RFX6: variants seen among roughly 807,000 people sequenced by gnomAD.
RFX6 encodes the protein DNA-binding protein RFX6.
Under a neutral mutation model 110.8 loss-of-function variants are expected in RFX6, and 50 were observed. That is an observed-to-expected ratio of 0.45 (90% confidence interval 0.36 to 0.57). The LOEUF (loss-of-function observed/expected upper bound fraction) is 0.57, where lower values mean the gene tolerates loss of function less well. Among genes scored for constraint, RFX6 ranks in the 20% least tolerant of loss-of-function variants. RFX6 has a pLI of 0.00. For missense variants in RFX6, 990 were observed against 1,127.0 expected (o/e 0.88, Z 1.74); for synonymous variants, 383 against 411.2 (o/e 0.93, Z 0.83).
At position 116,910,955 on chromosome 6, in the gene RFX6, T is replaced by C; in HGVS notation, c.693T>C (p.Tyr231=). 1.2e-6 allele frequency: 2 copies of C among 1,613,504 alleles called. No homozygotes were observed. Among genetic ancestry groups the C allele is most frequent in the Non-Finnish European group, 1.7e-6 (2 of 1,179,502 alleles). ...TATAGGGTGGCTTCACTCGTAAATA[T>C]TCGCTTAGCTCAAAAACTGGAACAC... The part of the protein sequence containing the change: ...LKNEGGFTRK[Y]SLSSKTGTLL... The change falls in exon 7 of 19, where the codon TAT becomes TAC. Residue 231 remains tyrosine, a synonymous_variant. Transcript: ENST00000332958.
At chr6:116,913,622 G>A (rs957711246) in intron 7 of RFX6, among the ~76,000 whole-genome samples, 19 of 152,124 alleles carry the variant, frequency 1.2e-4, no homozygotes, top group Admixed American at 2.0e-4. Flanking sequence ...AATTCATTGC[G>A]CTAAGACTAT....
At position 116,923,160 on chromosome 6, in the gene RFX6, A is replaced by G; in HGVS notation, c.1491A>G (p.Leu497=). ...SLKKRAQDFL[L]KWSFFGARVM... Reference sequence around the variant, plus strand: ...AGAAGAGAGCTCAAGACTTTCTGTTAAAGTGGAGTTTTTTTGGTGCTCGAG... The same window carrying G: ...AGAAGAGAGCTCAAGACTTTCTGTTGAAGTGGAGTTTTTTTGGTGCTCGAG... The change falls in exon 14 of 19, where the codon TTA becomes TTG. Residue 497 remains leucine, a synonymous_variant. Transcript: ENST00000332958. The G allele has an allele frequency of 7.4e-6, 12 of 1,610,908 alleles. No individual in the cohort carries two copies. The highest frequency in any genetic ancestry group is 9.3e-6 in the Non-Finnish European group (11 of 1,177,152).
chr6:116,903,327 A>G (rs966280576), intron 6 of RFX6, among the ~76,000 whole-genome samples: 2 of 152,142 alleles, frequency 1.3e-5, no homozygotes, highest in Middle Eastern at 3.4e-3. Flanking sequence ...ATTATTATTT[A>G]CCAATATGAG....
chr6:116,920,284 G>C, intron 11 of RFX6, 26 bp from the exon 12 acceptor site: 2 of 1,585,650 alleles, frequency 1.3e-6, no homozygotes, highest in Non-Finnish European at 8.7e-7. Context: ...ATATAGTGTA[G>C]TGTCTTCTTT....
At chr6:116,896,637 C>T (rs1198266154) in intron 6 of RFX6, among the ~76,000 whole-genome samples, 1 of 151,968 alleles carries the variant, frequency 6.6e-6, no homozygotes, top group South Asian at 2.1e-4. Context: ...GCCCTAGAGG[C>T]TCGGAGGTTG....
At chr6:116,915,963 G>A in intron 7 of RFX6, 45 bp from the exon 8 acceptor site, 1 of 1,236,348 alleles carries the variant, frequency 8.1e-7, no homozygotes, top group South Asian at 1.2e-5. Context: ...AGAAAAGGCA[G>A]TGTTAAAAGG....
intron 6 of RFX6, among the ~76,000 whole-genome samples, chr6:116,909,338 A>G (rs1366856836): frequency 1.3e-5 from 2 of 152,112 alleles, no homozygotes; most frequent in Non-Finnish European, 2.9e-5. Flanking sequence ...AGATTTAGGT[A>G]AATTTTTGTT....
intron 6 of RFX6, among the ~76,000 whole-genome samples, chr6:116,904,061 T>C (rs1775141452): frequency 6.6e-6 from 1 of 152,072 alleles, no homozygotes. Flanking sequence ...ATGCTTGGTA[T>C]TAAATGACAT....
chr6:116,900,563 A>G (rs893702658), intron 6 of RFX6, among the ~76,000 whole-genome samples: 2 of 151,970 alleles, frequency 1.3e-5, no homozygotes, highest in East Asian at 1.9e-4. Context: ...CCTTGAATCT[A>G]TTTTTATTTC....
At chr6:116,887,389 C>G (rs994104619) in intron 4 of RFX6, among the ~76,000 whole-genome samples, 10 of 152,152 alleles carry the variant, frequency 6.6e-5, no homozygotes, top group African/African-American at 9.7e-5. Context: ...TTCACGCTTA[C>G]CATCCCCTGC....
chr6:116,921,002 T>C (rs1189173612), intron 12 of RFX6, among the ~76,000 whole-genome samples: 1 of 152,176 alleles, frequency 6.6e-6, no homozygotes, highest in Non-Finnish European at 1.5e-5. Context: ...GCAGACTCTC[T>C]ACTCAGGTTT....
chr6:116,919,056 T>A, intron 10 of RFX6, 81 bp from the exon 11 acceptor site: 1 of 1,272,142 alleles, frequency 7.9e-7, no homozygotes. Flanking sequence ...AACCATAGAA[T>A]AATAGTATAC....
intron 7 of RFX6, among the ~76,000 whole-genome samples, chr6:116,914,943 G>A (rs1041999124): frequency 2.0e-5 from 3 of 152,186 alleles, no homozygotes; most frequent in African/African-American, 4.8e-5. Flanking sequence ...TAAATATCAA[G>A]TAGTGTGCCT....
At chr6:116,918,193 T>C in intron 10 of RFX6, 107 bp downstream of exon 10, 1 of 870,542 alleles carries the variant, frequency 1.1e-6, no homozygotes, top group South Asian at 1.4e-5. Context: ...TCAAGAAGAC[T>C]ATTTTCTACT....
chr6:116,927,219 A>G lies in RFX6; in HGVS notation c.2078A>G (p.Asn693Ser), dbSNP rs745312684. 42 of 1,614,088 alleles carry G rather than the reference A, an allele frequency of 2.6e-5. No homozygotes were observed. Among genetic ancestry groups the G allele is most frequent in the Non-Finnish European group, 3.3e-5 (39 of 1,180,044 alleles). ...ATTTATCCCACTCTCCCTCAAGCCA[A>G]TCATGACTTTTATAGCACCAGCTCT... ...EPIYPTLPQA[N>S]HDFYSTSSNY... The change falls in exon 17 of 19, where the codon AAT becomes AGT. Residue 693 changes from asparagine to serine, a missense_variant. By Grantham distance (46) the Asn-to-Ser change is conservative (BLOSUM62 1). Coordinates refer to ENST00000332958, the MANE Select transcript of RFX6 (RefSeq NM_173560.4).
chr6:116,895,645 T>TACACACACACAC (rs146991192), intron 6 of RFX6, among the ~76,000 whole-genome samples: 127 of 147,938 alleles, frequency 8.6e-4, no homozygotes, highest in African/African-American at 2.9e-3. Flanking sequence ...CTACTTTGTG[T>TACACACACACAC]ACACACACAC....
At chr6:116,878,102 C>A (rs1774505393) in intron 2 of RFX6, 150 bp downstream of exon 2, 3 of 821,976 alleles carry the variant, frequency 3.6e-6, no homozygotes, top group Non-Finnish European at 3.9e-6. Flanking sequence ...GAATTTTTTT[C>A]ACTGAATTTT....
chr6:116,923,127 G>A lies in RFX6; in HGVS notation c.1458G>A (p.Arg486=). 1 of 1,601,472 alleles carries A rather than the reference G, an allele frequency of 6.2e-7. No homozygotes were observed. Among genetic ancestry groups the A allele is most frequent in the Non-Finnish European group, 8.6e-7 (1 of 1,168,640 alleles). ...TTTAGACCAGCAAACAAAATGGAAG[G>A]TCATTAAAGAAGAGAGCTCAAGACT... ...RVIKTSKQNG[R]SLKKRAQDFL... The change falls in exon 14 of 19, where the codon AGG becomes AGA. Residue 486 remains arginine (R), a synonymous_variant. Coordinates refer to ENST00000332958, the MANE Select transcript of RFX6 (RefSeq NM_173560.4).
chr6:116,885,223 T>C (rs1032210489), intron 4 of RFX6, among the ~76,000 whole-genome samples: 2 of 152,188 alleles, frequency 1.3e-5, no homozygotes, highest in Non-Finnish European at 2.9e-5. Context: ...GCTAGTGATT[T>C]ATTGTAAGGT....
Sources: allele counts gnomAD v4.1 joint callset (sites outside exome capture counted in the v4.1 genomes callset), GRCh38; gene constraint gnomAD v4.1.1; transcripts MANE v1.5; gene names NCBI Gene and HGNC (gene_info 2026-07-23, HGNC 2026-07-21).